The following ALS2 variants were observed in gnomAD, a reference collection of about 807,000 sequenced individuals.
ALS2 encodes alsin.
In ALS2, 117 loss-of-function variants were observed where a neutral mutation model predicts 203.4. That is an observed-to-expected ratio of 0.58 (90% CI 0.50 to 0.67). The LOEUF is 0.67. Among genes scored for constraint, ALS2 ranks in the 30% least tolerant of loss-of-function variants. The probability of loss-of-function intolerance (pLI) is 0.00; values close to 1 mark genes in which losing one functional copy is unlikely to be tolerated. For synonymous variants in ALS2, 718 were observed against 725.9 expected (o/e 0.99, Z 0.17); for missense variants, 1,715 against 1,989.4 (o/e 0.86, Z 2.62).
At chr2:201,710,515 G>A (rs1468892193) in intron 26 of ALS2, among the ~76,000 whole-genome samples, 1 of 151,884 alleles carries the variant, frequency 6.6e-6, no homozygotes, top group Non-Finnish European at 1.5e-5. Context: ...TGTTACCTTG[G>A]AGAAAACTAA....
intron 26 of ALS2, among the ~76,000 whole-genome samples, chr2:201,710,659 A>G (rs1454706930): frequency 6.6e-6 from 1 of 152,184 alleles, no homozygotes; most frequent in East Asian, 1.9e-4. Flanking sequence ...TTTCGAAGGA[A>G]GCAAAGACCC....
rs193114244 is a variant in ALS2, at chr2:201,764,026, A to C, written c.176-2208T>G. 3.9e-5 allele frequency among the ~76,000 whole-genome samples: 6 copies of C among 152,274 alleles called. No individual in the cohort carries two copies. In the South Asian group the frequency reaches 6.2e-4, roughly 16 times the overall value. ...AAACTTTATCTTTGACCTATTATAC[A>C]TGGCAGATACATGTATACACTCAAG... On this transcript the variant is annotated intron_variant, in intron 3 of 33. Coordinates refer to ENST00000264276, the MANE Select transcript of ALS2 (RefSeq NM_020919.4).
chr2:201,753,258 A>G lies in ALS2; in HGVS notation c.1641-16T>C, dbSNP rs544486564. 2.1e-5 allele frequency: 33 copies of G among 1,598,374 alleles called. No homozygotes were observed. The highest frequency in any genetic ancestry group is 1.6e-4 in the African/African-American group (12 of 74,784). On this transcript the variant is annotated splice_polypyrimidine_tract_variant and intron_variant, in intron 6 of 33. Transcript: ENST00000264276. ...CGGTTGAAGCCTTAAAAAGAAACAC[A>G]CAGGCACACAAAGTCAAAGTATTCT...
chr2:201,779,028 C>T (rs1472117764), intron 1 of ALS2, among the ~76,000 whole-genome samples: 1 of 152,156 alleles, frequency 6.6e-6, no homozygotes, highest in East Asian at 1.9e-4. Flanking sequence ...GCTTTAAACC[C>T]AGTTTTCATG....
Position 201,701,687 on chromosome 2 carries a change from C to T in ALS2, c.*164G>A. 1.5e-6 allele frequency: 1 copy of T among 673,858 alleles called. No homozygotes were observed. Among genetic ancestry groups the T allele is most frequent in the Admixed American group, 2.7e-5 (1 of 37,652 alleles). 41.7% of individuals were successfully genotyped at this position (673,858 alleles called of 1,614,324 possible). On this transcript the variant is annotated 3_prime_UTR_variant, in exon 34 of 34. Transcript: ENST00000264276. ...CCTTTAAACTATACAGTCCTTTTTT[C>T]TGGGCTCAGGGCTCTTATTATTGGT...
intron 25 of ALS2, among the ~76,000 whole-genome samples, chr2:201,712,824 A>G (rs962153465): frequency 1.3e-5 from 2 of 152,108 alleles, no homozygotes; most frequent in Non-Finnish European, 2.9e-5. Flanking sequence ...GAACAAGTAC[A>G]TCTGTAACTT....
chr2:201,748,609 C>T (rs1692823070), intron 8 of ALS2, among the ~76,000 whole-genome samples: 1 of 151,570 alleles, frequency 6.6e-6, no homozygotes, highest in African/African-American at 2.4e-5. Context: ...TAAGCACACA[C>T]TTCAAATAAA....
chr2:201,757,060 T>G (rs1327742788), intron 5 of ALS2, among the ~76,000 whole-genome samples: 1 of 152,210 alleles, frequency 6.6e-6, no homozygotes, highest in Non-Finnish European at 1.5e-5. Context: ...GTACAGTAAT[T>G]CACTTATCCA....
intron 12 of ALS2, among the ~76,000 whole-genome samples, chr2:201,736,892 T>C (rs1158813404): frequency 1.3e-5 from 2 of 152,108 alleles, no homozygotes; most frequent in Non-Finnish European, 2.9e-5. Context: ...AATAAAGACC[T>C]GAACATACCT....
At position 201,728,612 on chromosome 2, in the gene ALS2, A is replaced by G; in HGVS notation, c.2741T>C (p.Leu914Pro). Residue 914 changes from leucine to proline, a missense_variant, in exon 15 of 34, where the codon CTG (leucine) becomes CCG (proline). Transcript: ENST00000264276. ...GGCTCGGTTACTACTCTCACACAGC[A>G]GTCGACGCTCTGGCTTCCTCAAGGA... ...TDSLRKPERR[L>P]LCESSNRALS... The G allele has an allele frequency of 6.2e-7, 1 of 1,614,174 alleles. No individual in the cohort carries two copies. Among genetic ancestry groups the G allele is most frequent in the Non-Finnish European group, 8.5e-7 (1 of 1,180,012 alleles).
In ALS2 at chr2:201,704,179, A is replaced by C; in HGVS notation, c.4878T>G (p.Asp1626Glu). The C allele has an allele frequency of 1.2e-6, 2 of 1,614,134 alleles. No individual in the cohort carries two copies. Among genetic ancestry groups the C allele is most frequent in the Non-Finnish European group, 1.7e-6 (2 of 1,180,006 alleles). ...CATGCTGAAGATAGGGGTCCATTAGATCCTCAATGAGGTGTACCTCAGAGC... is the reference window on the plus strand; with the variant it reads ...CATGCTGAAGATAGGGGTCCATTAGCTCCTCAATGAGGTGTACCTCAGAGC... ...NLGSEVHLIE[D>E]LMDPYLQHGE... is the part of the protein sequence containing the mutation. The change falls in exon 33 of 34, where the codon GAT becomes GAG. Residue 1626 changes from aspartate to glutamate, a missense_variant. Around this residue, in one of 3 missense-constraint regions of ALS2, gnomAD observed 1,227 missense variants for 1,413.5 expected, o/e 0.87. Coordinates refer to ENST00000264276, the MANE Select transcript of ALS2 (RefSeq NM_020919.4).
intron 15 of ALS2, 72 bp downstream of exon 15, chr2:201,728,440 A>G (rs1470256079): frequency 4.4e-6 from 7 of 1,583,218 alleles, no homozygotes; most frequent in Non-Finnish European, 6.1e-6. Flanking sequence ...TTGAACATAA[A>G]CTGATAGTAC....
At position 201,757,620 on chromosome 2, in the gene ALS2, A is replaced by C; in HGVS notation, c.1253T>G (p.Leu418Arg). The change falls in exon 5 of 34, where the codon CTG becomes CGG. Residue 418 changes from leucine to arginine, a missense_variant. By Grantham distance (102) the Leu-to-Arg change is moderately radical. Around this residue, in one of 3 missense-constraint regions of ALS2, gnomAD observed 476 missense variants for 539.3 expected, o/e 0.88. Transcript: ENST00000264276. ...AATYEAGALS[L>R]KKVMNFYSTT... The stretch of plus-strand genomic sequence containing the variant: ...ACTATAAAAGTTCATAACTTTCTTC[A>C]GTGACAAGGCACCAGCTTCATAAGT... 2 of 1,614,198 alleles carry C rather than the reference A, an allele frequency of 1.2e-6. No individual in the cohort carries two copies. The highest frequency in any genetic ancestry group is 2.2e-5 in the South Asian group (2 of 91,084).
intron 11 of ALS2, 142 bp from the exon 12 acceptor site, chr2:201,738,877 G>C (rs1346980079): frequency 1.4e-6 from 1 of 736,552 alleles, no homozygotes. Context: ...ATTTGTGAAG[G>C]GCAGGTTGTG....
intron 12 of ALS2, among the ~76,000 whole-genome samples, chr2:201,734,395 A>G (rs1165352323): frequency 1.3e-5 from 2 of 151,528 alleles, no homozygotes; most frequent in Non-Finnish European, 2.9e-5. Context: ...GAATCATTTG[A>G]GCACAGGAAG....
Position 201,744,432 on chromosome 2 carries a change from G to A in ALS2, c.1999-3C>T, listed in dbSNP as rs753877129. ...GTCACTCTGCTTATATATCCAAGCT[G>A]AAACAGAAGAAAACAAAAGGATTAA... On this transcript the variant is annotated splice_polypyrimidine_tract_variant and splice_region_variant and intron_variant, in intron 9 of 33. Coordinates refer to ENST00000264276, the MANE Select transcript of ALS2 (RefSeq NM_020919.4). 4 of 1,613,518 alleles carry A rather than the reference G, an allele frequency of 2.5e-6. No individual in the cohort carries two copies. Among genetic ancestry groups the A allele is most frequent in the East Asian group, 4.5e-5 (2 of 44,854 alleles).
At chr2:201,732,339 A>AG (rs1691612024) in intron 13 of ALS2, among the ~76,000 whole-genome samples, 1 of 148,598 alleles carries the variant, frequency 6.7e-6, no homozygotes, top group African/African-American at 2.5e-5. Flanking sequence ...CAATCACTTG[A>AG]GGTCAGGAGT....
intron 7 of ALS2, among the ~76,000 whole-genome samples, chr2:201,751,221 T>C (rs1693029520): frequency 6.6e-6 from 1 of 152,208 alleles, no homozygotes; most frequent in South Asian, 2.1e-4. Flanking sequence ...TCTATTTGCT[T>C]AGGATAAATT....
At chr2:201,747,506 A>G (rs892835013) in intron 8 of ALS2, among the ~76,000 whole-genome samples, 3 of 141,470 alleles carry the variant, frequency 2.1e-5, no homozygotes, top group Non-Finnish European at 1.5e-5. Context: ...GCTGGTGTGC[A>G]GTGGCGCAAT....
Sources: gnomAD v4.1 joint callset for allele counts (sites outside exome capture counted in the v4.1 genomes callset) on GRCh38, gnomAD v4.1.1 for gene constraint, gnomAD v4.1.1 regional missense constraint, MANE v1.5 for transcripts, NCBI Gene and HGNC (gene_info 2026-07-23, HGNC 2026-07-21) for gene names.